The following CRTC1 variants were observed in gnomAD, a reference collection of about 807,000 sequenced individuals.
The protein encoded by CRTC1 is CREB regulated transcription coactivator 1.
CRTC1 carries 18 observed loss-of-function variants against 66.1 expected under a neutral mutation model. The observed-to-expected ratio is 0.27, with a 90% CI of 0.19 to 0.40. CRTC1 has a LOEUF of 0.40. Ranked by LOEUF, CRTC1 falls within the 10% of genes least tolerant of loss-of-function variation. The pLI, the probability that CRTC1 is intolerant of heterozygous loss-of-function variation, is 1.00. For synonymous variants in CRTC1, 416 were observed against 398.8 expected, an observed-to-expected ratio of 1.04 and a Z score of -0.51; for missense variants, 669 against 887.9, an observed-to-expected ratio of 0.75 and a Z score of 3.13.
chr19:18,746,913 C>T, intron 3 of CRTC1, 140 bp from the exon 4 acceptor site: 1 of 706,000 alleles, frequency 1.4e-6, no homozygotes, highest in Non-Finnish European at 2.5e-6. Context: ...CAGGAAACGC[C>T]CCCCGCCCTA....
intron 5 of CRTC1, among the ~76,000 whole-genome samples, chr19:18,752,272 C>G (rs563001966): frequency 6.6e-6 from 1 of 152,210 alleles, no homozygotes; most frequent in East Asian, 1.9e-4. Context: ...TCAGCCTCTT[C>G]TGTGGGAAGC....
chr19:18,771,543 G>A lies in CRTC1; in HGVS notation c.1422G>A (p.Pro474=), dbSNP rs755612353. The change falls in exon 11 of 14, where the codon CCG becomes CCA. Residue 474 remains proline, a synonymous_variant. Coordinates refer to ENST00000321949, the MANE Select transcript of CRTC1 (RefSeq NM_015321.3). This position sits in a 1 kb window ranked among gnomAD's most constrained non-coding sequence, Gnocchi z 4.6. ...AAGGCTTCTCCCCAGGGAGCTCCCC[G>A]CAAGTAAGGGGCGCCGCCTCCCCCT... is the stretch of plus-strand genomic sequence containing the variant. ...SNQGFSPGSS[P]QHTSTLGSVF... is the part of the protein sequence containing the mutation. The A allele has an allele frequency of 1.4e-5, 22 of 1,611,442 alleles. No individual in the cohort carries two copies. The highest frequency in any genetic ancestry group is 6.6e-5 in the South Asian group (6 of 90,682).
chr19:18,756,932 G>C (rs1392392509), intron 6 of CRTC1, among the ~76,000 whole-genome samples: 1 of 152,222 alleles, frequency 6.6e-6, no homozygotes, highest in Admixed American at 6.5e-5. Flanking sequence ...TTTACTCTCA[G>C]AATGAAGGAG....
At position 18,748,048 on chromosome 19, in the gene CRTC1, G is replaced by A. The variant is rs559158941; in HGVS notation, c.443+934G>A. Among the ~76,000 whole-genome samples the A allele has an allele frequency of 3.3e-5, 5 of 152,246 alleles. No individual in the cohort carries two copies. The East Asian group carries it at 9.6e-4, about 29-fold the overall frequency. On this transcript the variant is annotated intron_variant, in intron 4 of 13. Coordinates refer to ENST00000321949, the MANE Select transcript of CRTC1 (RefSeq NM_015321.3). The stretch of plus-strand genomic sequence containing the variant: ...GCTGTAATCATGCCACTACAGTCCA[G>A]CCTGGGCCACAGAGCGAGACCCTGT...
At chr19:18,765,626 A>G (rs989996694) in intron 9 of CRTC1, 98 bp downstream of exon 9, 32 of 1,220,110 alleles carry the variant, frequency 2.6e-5, no homozygotes, top group Middle Eastern at 2.5e-4. Context: ...CCAGGAGGCC[A>G]CAAAACCTTG....
At chr19:18,714,036 G>A (rs73537937) in intron 1 of CRTC1, among the ~76,000 whole-genome samples, 2,077 of 152,246 alleles carry the variant, frequency 0.014, 59 homozygotes, top group African/African-American at 0.048. Context: ...TAGCGTGCCC[G>A]GAAGCAGCAG....
intron 1 of CRTC1, among the ~76,000 whole-genome samples, chr19:18,711,287 C>T (rs971869084): frequency 6.6e-6 from 1 of 152,032 alleles, no homozygotes; most frequent in Admixed American, 6.6e-5. Flanking sequence ...GCTGCTGACC[C>T]AGAGTGAGGG....
At chr19:18,742,298 G>C (rs2054128601) in intron 1 of CRTC1, among the ~76,000 whole-genome samples, 2 of 152,138 alleles carry the variant, frequency 1.3e-5, no homozygotes, top group South Asian at 4.1e-4. Context: ...AAGGCGCTCA[G>C]CTGGGCCCAG....
chr19:18,688,557 G>A (rs1366182179), intron 1 of CRTC1, among the ~76,000 whole-genome samples: 2 of 152,018 alleles, frequency 1.3e-5, no homozygotes, highest in African/African-American at 4.8e-5. Flanking sequence ...TTCTGCCTCA[G>A]CCTCCCAAGT....
intron 1 of CRTC1, among the ~76,000 whole-genome samples, chr19:18,687,487 C>G (rs2052712273): frequency 6.6e-6 from 1 of 152,184 alleles, no homozygotes; most frequent in South Asian, 2.1e-4. Flanking sequence ...GTTTGACTGG[C>G]CACTGCACAG....
chr19:18,747,206 T>G, intron 4 of CRTC1, 92 bp downstream of exon 4: 2 of 962,578 alleles, frequency 2.1e-6, no homozygotes, highest in Non-Finnish European at 3.1e-6. Context: ...CAGGACACAG[T>G]CGCTTAAACA....
intron 12 of CRTC1, among the ~76,000 whole-genome samples, chr19:18,775,283 G>T (rs76188238): frequency 0.013 from 2,037 of 152,372 alleles, 35 homozygotes; most frequent in Middle Eastern, 0.078. Flanking sequence ...ACAGGGATGG[G>T]ACCGTGGCTG....
At chr19:18,759,956 G>GCCA in intron 7 of CRTC1, 52 bp from the exon 8 acceptor site, 11 of 1,221,322 alleles carry the variant, frequency 9.0e-6, no homozygotes, top group East Asian at 2.4e-5. Flanking sequence ...TGTCCCCGCC[G>GCCA]CCAGCCCCGC....
At chr19:18,685,276 G>A (rs79246696) in intron 1 of CRTC1, among the ~76,000 whole-genome samples, 3,048 of 152,144 alleles carry the variant, frequency 0.02, 105 homozygotes, top group African/African-American at 0.07. Flanking sequence ...CGGTGAGTGT[G>A]CCACATCTGT....
At chr19:18,694,129 G>A (rs370401287) in intron 1 of CRTC1, among the ~76,000 whole-genome samples, 273 of 110,838 alleles carry the variant, frequency 2.5e-3, no homozygotes, top group African/African-American at 0.011. Flanking sequence ...GCGAGACTCC[G>A]TCTCAGAAAA....
chr19:18,746,322 G>T (rs1243662977), intron 3 of CRTC1, among the ~76,000 whole-genome samples: 1 of 152,166 alleles, frequency 6.6e-6, no homozygotes, highest in Non-Finnish European at 1.5e-5. Flanking sequence ...AGCTGATGAG[G>T]CCTCTCCTAC....
At position 18,782,041 on chromosome 19, in the gene CRTC1, G is replaced by C. The variant is rs1393297659; in HGVS notation, c.*4659G>C. 2.6e-5 allele frequency: 6 copies of C among 228,118 alleles called. 1 individual carries two copies. Among genetic ancestry groups the C allele is most frequent in the Non-Finnish European group, 5.2e-5 (6 of 114,902 alleles). The allele number at this position is 228,118 out of a possible 1,614,324, so 14.1% of individuals were successfully genotyped here. A position where few individuals can be genotyped will look rare whatever the true frequency, so the allele number is the denominator to read the frequency against. ...CTGGCCCTGCCGTGCCCCTGAGTAG[G>C]AAACTGTCCCCTAGGGGCTGGGTGG... is the stretch of plus-strand genomic sequence containing the variant. On this transcript the variant is annotated 3_prime_UTR_variant, in exon 14 of 14. Transcript: ENST00000321949.
intron 1 of CRTC1, among the ~76,000 whole-genome samples, chr19:18,736,159 G>A (rs1393500248): frequency 3.3e-5 from 5 of 152,178 alleles, no homozygotes; most frequent in African/African-American, 9.7e-5. Context: ...CCTTCAAGTC[G>A]GCACACATCC....
Position 18,749,883 on chromosome 19 carries a change from C to G in CRTC1, c.538+8C>G, listed in dbSNP as rs769340461. ...ACGTGCACCAGAAAAGAGGTATGGA[C>G]AGGGGACTCGGGTGTCTCTGCTGGG... On this transcript the variant is annotated splice_region_variant and intron_variant, in intron 5 of 13. Transcript: ENST00000321949. 2.5e-6 allele frequency: 4 copies of G among 1,611,460 alleles called. No homozygotes were observed. In the South Asian group the frequency reaches 3.3e-5, roughly 13 times the overall value.
Sources: allele counts gnomAD v4.1 joint callset (sites outside exome capture counted in the v4.1 genomes callset), GRCh38; gene constraint gnomAD v4.1.1; non-coding constraint Gnocchi (gnomAD v3.1); transcripts MANE v1.5; gene names NCBI Gene and HGNC (gene_info 2026-07-23, HGNC 2026-07-21).